The following ATOSA variants were observed in gnomAD, a reference collection of about 807,000 sequenced individuals.
ATOSA encodes atos homolog protein A.
At chr15:52,628,133 T>C in the ATOSA span, among the ~76,000 whole-genome samples, 1 of 152,216 alleles carries the variant, frequency 6.6e-6, no homozygotes, top group South Asian at 2.1e-4. Context: ...AAATGTCTCT[T>C]AGATATATCT....
the ATOSA span, among the ~76,000 whole-genome samples, chr15:52,594,694 TCA>T: frequency 1.3e-5 from 2 of 152,180 alleles, no homozygotes; most frequent in Non-Finnish European, 2.9e-5. Context: ...ATTTTACCTC[TCA>T]GTCTCAGGGC....
At chr15:52,651,206 T>C in the ATOSA span, among the ~76,000 whole-genome samples, 1 of 152,190 alleles carries the variant, frequency 6.6e-6, no homozygotes, top group African/African-American at 2.4e-5. Context: ...AAATCCCTTA[T>C]CCTTCAGTTT....
At chr15:52,598,428 G>C in the ATOSA span, 1 of 152,168 alleles carries the variant, frequency 6.6e-6, no homozygotes, top group East Asian at 1.9e-4. Flanking sequence ...AATGTCTAAG[G>C]ATCATGATTT....
At chr15:52,613,186 C>CT in the ATOSA span, among the ~76,000 whole-genome samples, 4 of 151,998 alleles carry the variant, frequency 2.6e-5, no homozygotes, top group African/African-American at 9.7e-5. Context: ...GCCAATATGA[C>CT]AAAACACCGC....
chr15:52,674,393 A>G, the ATOSA span, among the ~76,000 whole-genome samples: 4 of 152,108 alleles, frequency 2.6e-5, no homozygotes, highest in Non-Finnish European at 4.4e-5. Context: ...CAGGTATTCA[A>G]TATACACACA....
the ATOSA span, chr15:52,601,173 C>A: frequency 1.3e-6 from 2 of 1,503,426 alleles, no homozygotes; most frequent in Middle Eastern, 1.8e-4. Flanking sequence ...AACCTAAGGT[C>A]AAAACGATCA....
At chr15:52,677,910 A>C in the ATOSA span, 1 of 1,465,814 alleles carries the variant, frequency 6.8e-7, no homozygotes, top group Non-Finnish European at 9.6e-7. Context: ...ATACAGAAAT[A>C]GTTGATCCTA....
At chr15:52,611,861 G>A in the ATOSA span, 2 of 1,255,934 alleles carry the variant, frequency 1.6e-6, no homozygotes, top group Non-Finnish European at 2.2e-6. Flanking sequence ...TTGTAAAGTA[G>A]ACATCTGTGT....
At chr15:52,610,230 A>G in the ATOSA span, 6 of 1,614,030 alleles carry the variant, frequency 3.7e-6, no homozygotes, top group Non-Finnish European at 5.1e-6. Context: ...TAGTGTGAAT[A>G]CTGCACGTCA....
At chr15:52,610,648 A>T in the ATOSA span, among the ~76,000 whole-genome samples, 1 of 152,224 alleles carries the variant, frequency 6.6e-6, no homozygotes, top group South Asian at 2.1e-4. Flanking sequence ...ATAACTTAAA[A>T]ATATTTGTTA....
At chr15:52,598,698 G>A in the ATOSA span, 5 of 152,000 alleles carry the variant, frequency 3.3e-5, no homozygotes, top group African/African-American at 9.7e-5. Context: ...AAATAGAATC[G>A]TCTGAAAAAA....
chr15:52,609,685 C>A, the ATOSA span: 2 of 1,613,582 alleles, frequency 1.2e-6, no homozygotes, highest in Non-Finnish European at 1.7e-6. Context: ...TTGTGAAACC[C>A]GGAAAAGTTT....
At chr15:52,678,751 A>G in the ATOSA span, 1 of 153,044 alleles carries the variant, frequency 6.5e-6, no homozygotes, top group South Asian at 2.0e-4. Context: ...AGGTGTTTAC[A>G]GCCTGTGCTC....
the ATOSA span, chr15:52,613,880 G>T: frequency 1.2e-5 from 19 of 1,602,360 alleles, no homozygotes; most frequent in African/African-American, 2.4e-4. Flanking sequence ...AGGGGCAAAG[G>T]GTCCTCAATT....
the ATOSA span, among the ~76,000 whole-genome samples, chr15:52,616,169 A>G: frequency 1.3e-5 from 2 of 152,238 alleles, no homozygotes; most frequent in Non-Finnish European, 2.9e-5. Context: ...TCTATGTTAT[A>G]AGAGCACAGA....
the ATOSA span, among the ~76,000 whole-genome samples, chr15:52,701,486 T>G: frequency 0.019 from 2,844 of 152,322 alleles, 81 homozygotes; most frequent in African/African-American, 0.059. Flanking sequence ...CAATCACTAG[T>G]ACAAAAATAA....
chr15:52,694,155 T>G, the ATOSA span, among the ~76,000 whole-genome samples: 1 of 129,800 alleles, frequency 7.7e-6, no homozygotes, highest in Non-Finnish European at 1.6e-5. Context: ...TGTGTATATA[T>G]AGATATATAT....
At chr15:52,609,744 A>T in the ATOSA span, 2 of 1,613,780 alleles carry the variant, frequency 1.2e-6, no homozygotes, top group Non-Finnish European at 8.5e-7. Flanking sequence ...GTCCAGAAAC[A>T]TGTGAAGTGC....
At chr15:52,709,160 C>T in the ATOSA span, among the ~76,000 whole-genome samples, 1 of 152,156 alleles carries the variant, frequency 6.6e-6, no homozygotes, top group Non-Finnish European at 1.5e-5. Flanking sequence ...TCAGTTTTGC[C>T]CCCTCTTTAT....
Sources: gnomAD v4.1 joint callset for allele counts (sites outside exome capture counted in the v4.1 genomes callset) on GRCh38, gnomAD v4.1.1 for gene constraint, MANE v1.5 for transcripts, NCBI Gene and HGNC (gene_info 2026-07-23, HGNC 2026-07-21) for gene names.